The following BTBD8 variants were observed in gnomAD, a reference collection of about 807,000 sequenced individuals.
BTBD8 encodes the protein BTB/POZ domain-containing protein 8.
In BTBD8, 110 loss-of-function variants were observed where a neutral mutation model predicts 162.9. The observed-to-expected ratio is 0.68, with a 90% CI of 0.58 to 0.79. The LOEUF is 0.79. Ranked by LOEUF, BTBD8 falls within the 30% of genes least tolerant of loss-of-function variation. The pLI is 0.00. For missense variants in BTBD8, 1,905 were observed against 2,085.4 expected (o/e 0.91, Z 1.68); for synonymous variants, 667 against 716.1 (o/e 0.93, Z 1.10).
At chr1:92,176,760 T>C in intron 13 of BTBD8, 69 bp from the exon 14 acceptor site, 1 of 782,076 alleles carries the variant, frequency 1.3e-6, no homozygotes, top group Non-Finnish European at 1.9e-6. Flanking sequence ...GACTGGCTTT[T>C]GGAAACATAA....
intron 2 of BTBD8, among the ~76,000 whole-genome samples, chr1:92,099,183 C>G (rs1198658389): frequency 1.3e-5 from 2 of 152,034 alleles, no homozygotes; most frequent in African/African-American, 4.8e-5. Flanking sequence ...GTCTGGACAC[C>G]CTTGTCAAAA....
intron 10 of BTBD8, among the ~76,000 whole-genome samples, 159 bp downstream of exon 10, chr1:92,167,299 T>A (rs1051019336): frequency 2.0e-5 from 3 of 152,230 alleles, no homozygotes; most frequent in African/African-American, 7.2e-5. Flanking sequence ...AAGGCAGTGA[T>A]GGACAGGATA....
At chr1:92,126,685 C>G (rs932687142) in intron 4 of BTBD8, among the ~76,000 whole-genome samples, 19 of 152,198 alleles carry the variant, frequency 1.2e-4, no homozygotes, top group Non-Finnish European at 2.4e-4. Context: ...TTTGCTGTTA[C>G]TGCTTCATTT....
In BTBD8 at chr1:92,080,651, G is replaced by C; in HGVS notation, c.80G>C (p.Arg27Thr). Residue 27 changes from arginine (R) to threonine (T), a missense_variant, in exon 1 of 18, where the codon AGG (arginine) becomes ACG (threonine). Physicochemically the swap from Arg to Thr is moderately conservative, Grantham distance 71. Transcript: ENST00000636805. ...GGAGTTTGCAGTAAGGGGTTGCAAA[G>C]GAAGGGGCCGTGTGAGCGGCGCCGG... ...SAGVCSKGLQ[R>T]KGPCERRRLK... 1 of 1,613,746 alleles carries C rather than the reference G, an allele frequency of 6.2e-7. No individual in the cohort carries two copies. Among genetic ancestry groups the C allele is most frequent in the Middle Eastern group, 1.7e-4 (1 of 6,060 alleles).
chr1:92,143,107 A>C (rs1288703809), intron 7 of BTBD8, among the ~76,000 whole-genome samples: 2 of 152,242 alleles, frequency 1.3e-5, no homozygotes, highest in African/African-American at 4.8e-5. Context: ...AAGTACTAGA[A>C]TCTGCCTATA....
intron 9 of BTBD8, among the ~76,000 whole-genome samples, chr1:92,151,126 G>A (rs556794020): frequency 6.6e-6 from 1 of 152,286 alleles, no homozygotes; most frequent in South Asian, 2.1e-4. Context: ...GACGAGGTGT[G>A]TGGATCACCT....
At chr1:92,169,088 T>A in intron 12 of BTBD8, 93 bp downstream of exon 12, 1 of 1,233,102 alleles carries the variant, frequency 8.1e-7, no homozygotes, top group Non-Finnish European at 1.1e-6. Context: ...AAGGTTAACA[T>A]TTGTGTGCTT....
intron 5 of BTBD8, among the ~76,000 whole-genome samples, chr1:92,130,558 ACACACACACATATACG>A (rs1490929508): frequency 2.0e-5 from 3 of 146,740 alleles, no homozygotes; most frequent in Non-Finnish European, 4.6e-5. Flanking sequence ...ACACACACAC[ACACACACACATATACG>A]CACACACACA....
intron 7 of BTBD8, among the ~76,000 whole-genome samples, chr1:92,144,193 C>CT (rs1557455289): frequency 6.7e-6 from 1 of 149,720 alleles, no homozygotes; most frequent in Non-Finnish European, 1.5e-5. Flanking sequence ...AGGCTGGTCT[C>CT]TAACTCCTGA....
At chr1:92,099,569 T>G (rs536353050) in intron 2 of BTBD8, among the ~76,000 whole-genome samples, 1 of 152,320 alleles carries the variant, frequency 6.6e-6, no homozygotes, top group Non-Finnish European at 1.5e-5. Flanking sequence ...CTTTCGACAT[T>G]GTTTTGTAGC....
intron 4 of BTBD8, among the ~76,000 whole-genome samples, chr1:92,113,815 A>G (rs988684540): frequency 3.3e-5 from 5 of 151,956 alleles, no homozygotes; most frequent in African/African-American, 1.2e-4. Flanking sequence ...GATTGAGACC[A>G]TCCTGGCTAA....
In BTBD8 at chr1:92,107,917, G is replaced by C. The variant is rs1557442346; in HGVS notation, c.578G>C (p.Gly193Ala). ...NYDLEPASEL[G>A]EDLLKLYVKP... is the part of the protein sequence containing the mutation. ...GACTTGGAGCCTGCATCTGAATTAG[G>C]AGAAGATTTATTGAAGCTTTATGTG... Residue 193 changes from glycine (G) to alanine (A), a missense_variant, in exon 4 of 18, where the codon GGA (glycine) becomes GCA (alanine). Coordinates refer to ENST00000636805, the MANE Select transcript of BTBD8 (RefSeq NM_001376131.1). 1 of 1,613,934 alleles carries C rather than the reference G, an allele frequency of 6.2e-7. No individual in the cohort carries two copies. Among genetic ancestry groups the C allele is most frequent in the East Asian group, 2.2e-5 (1 of 44,874 alleles).
At chr1:92,115,323 C>A in intron 4 of BTBD8, 1 of 454,758 alleles carries the variant, frequency 2.2e-6, no homozygotes, top group South Asian at 1.8e-5. Flanking sequence ...TATGGATGAT[C>A]TTGACCAGGG....
At chr1:92,122,590 GTC>G (rs1649244729) in intron 4 of BTBD8, among the ~76,000 whole-genome samples, 1 of 149,466 alleles carries the variant, frequency 6.7e-6, no homozygotes, top group Non-Finnish European at 1.5e-5. Flanking sequence ...TTTAGACAGA[GTC>G]TCACTCTGTA....
intron 3 of BTBD8, among the ~76,000 whole-genome samples, chr1:92,103,173 T>C (rs1648642597): frequency 6.6e-6 from 1 of 152,196 alleles, no homozygotes; most frequent in African/African-American, 2.4e-5. Context: ...TTGTGAGTTA[T>C]TGCAAATTGA....
At chr1:92,094,249 T>A (rs1648391679) in intron 2 of BTBD8, among the ~76,000 whole-genome samples, 1 of 152,242 alleles carries the variant, frequency 6.6e-6, no homozygotes, top group Non-Finnish European at 1.5e-5. Flanking sequence ...GATTAGATTG[T>A]CTCACTGATG....
intron 9 of BTBD8, among the ~76,000 whole-genome samples, chr1:92,159,688 T>C (rs1329728003): frequency 6.6e-6 from 1 of 152,148 alleles, no homozygotes; most frequent in Non-Finnish European, 1.5e-5. Flanking sequence ...GTCGGCAGGG[T>C]TTGTTTGTTT....
chr1:92,103,216 C>T (rs975300527), intron 3 of BTBD8, among the ~76,000 whole-genome samples: 4 of 152,052 alleles, frequency 2.6e-5, no homozygotes, highest in Non-Finnish European at 5.9e-5. Flanking sequence ...AGTGTTAGAG[C>T]GGAATTGATT....
intron 1 of BTBD8, among the ~76,000 whole-genome samples, chr1:92,081,284 C>G (rs1294613235): frequency 6.6e-6 from 1 of 152,194 alleles, no homozygotes; most frequent in East Asian, 1.9e-4. Context: ...AGGACCAAAG[C>G]AAATGGAGGG....
Sources: allele counts gnomAD v4.1 joint callset (sites outside exome capture counted in the v4.1 genomes callset), GRCh38; gene constraint gnomAD v4.1.1; transcripts MANE v1.5; gene names NCBI Gene and HGNC (gene_info 2026-07-23, HGNC 2026-07-21).